PPP1R13B: variants seen among roughly 807,000 people sequenced by gnomAD.
The protein encoded by PPP1R13B is apoptosis-stimulating of p53 protein 1.
A neutral mutation model predicts 119.8 loss-of-function variants in PPP1R13B; 44 were observed. The ratio of observed to expected loss-of-function variants is 0.37; its 90% CI spans 0.29 to 0.47. PPP1R13B has a LOEUF of 0.47. PPP1R13B is among the 20% of genes least tolerant of loss of function. The pLI, the probability that PPP1R13B is intolerant of heterozygous loss-of-function variation, is 0.99. For missense variants in PPP1R13B, 1,227 were observed against 1,413.5 expected (o/e 0.87, Z 2.12); for synonymous variants, 542 against 561.5 (o/e 0.97, Z 0.49).
chr14:103,799,228 G>C (rs1403936977), intron 1 of PPP1R13B, among the ~76,000 whole-genome samples: 1 of 151,942 alleles, frequency 6.6e-6, no homozygotes, highest in Non-Finnish European at 1.5e-5. Context: ...ACGCAGGCTG[G>C]AGTGCAGTGG....
At position 103,741,953 on chromosome 14, in the gene PPP1R13B, A is replaced by G. The variant is rs200888668; in HGVS notation, c.1659T>C (p.Ile553=). 426 of 1,614,250 alleles carry G rather than the reference A, an allele frequency of 2.6e-4. 2 individuals carry two copies. In the African/African-American group the frequency reaches 5.4e-3, roughly 20 times the overall value. Residue 553 remains isoleucine, a synonymous_variant, in exon 11 of 17, where the codon ATT becomes ATC. Transcript: ENST00000202556. Reference sequence around the variant, plus strand: ...ACCCTTTATCAGCCAGGAAAGGCCTAATGGCCACTGTCAGTGGGAGTTCAG... The same window carrying G: ...ACCCTTTATCAGCCAGGAAAGGCCTGATGGCCACTGTCAGTGGGAGTTCAG... ...SKPELPLTVA[I]RPFLADKGSR...
At chr14:103,775,498 C>T (rs367826805) in intron 4 of PPP1R13B, among the ~76,000 whole-genome samples, 45 of 152,278 alleles carry the variant, frequency 3.0e-4, no homozygotes, top group African/African-American at 9.1e-4. Flanking sequence ...TGGTCTAGAA[C>T]TCCTGACCTC....
Position 103,754,141 on chromosome 14 carries a change from T to A in PPP1R13B, c.560A>T (p.Glu187Val), listed in dbSNP as rs752872502. ...QKLKERVEAQ[E>V]NKLKKIRAMR... ...TGCACGAATTTTCTTCAGCTTGTTC[T>A]CCTGGGCTTCAACTCGTTCTTTCAA... The change falls in exon 6 of 17, where the codon GAG (glutamate) becomes GTG (valine). Residue 187 changes from glutamate (E) to valine (V), a missense_variant. By Grantham distance (121) the Glu-to-Val change is moderately radical. Coordinates refer to ENST00000202556, the MANE Select transcript of PPP1R13B (RefSeq NM_015316.3). The A allele has an allele frequency of 6.2e-7, 1 of 1,614,140 alleles. No individual in the cohort carries two copies. The highest frequency in any genetic ancestry group is 1.1e-5 in the South Asian group (1 of 91,076).
intron 3 of PPP1R13B, among the ~76,000 whole-genome samples, chr14:103,783,692 C>T (rs1469072631): frequency 6.6e-6 from 1 of 152,096 alleles, no homozygotes; most frequent in East Asian, 1.9e-4. Context: ...GCTGAGACTA[C>T]AGGGCATCCA....
chr14:103,765,838 T>C (rs2084924511), intron 4 of PPP1R13B, among the ~76,000 whole-genome samples: 2 of 152,134 alleles, frequency 1.3e-5, no homozygotes, highest in African/African-American at 2.4e-5. Context: ...AAGAACTCAG[T>C]ACTTTTTAAA....
intron 1 of PPP1R13B, among the ~76,000 whole-genome samples, chr14:103,825,846 CTT>C (rs67751577): frequency 5.4e-4 from 78 of 143,634 alleles, no homozygotes; most frequent in African/African-American, 4.9e-4. Context: ...TTTTTCTTTT[CTT>C]TTTTTTTTTT....
chr14:103,834,581 CTTTTTTTTTTTTT>C lies in PPP1R13B; in HGVS notation c.9+12705_9+12717del, dbSNP rs1157222905. On this transcript the variant is annotated intron_variant, in intron 1 of 16. Coordinates refer to ENST00000202556, the MANE Select transcript of PPP1R13B (RefSeq NM_015316.3). ...GCACAGGGAAGGTAAATTTTAATGT[CTTTTTTTTTTTTT>C]TTTTTTTTTTTTTGAGACCGAGTTT... Among the ~76,000 whole-genome samples the C allele has an allele frequency of 9.1e-3, 817 of 89,432 alleles. 9 individuals carry two copies. The highest frequency in any genetic ancestry group is 0.039 in the African/African-American group (771 of 19,664). The allele number at this position is 89,432 out of a possible 152,430, so 58.7% of individuals were successfully genotyped here. A position where few individuals can be genotyped will look rare whatever the true frequency, so the allele number is the denominator to read the frequency against.
rs560232698 is a variant in PPP1R13B, at chr14:103,843,771, G to A, written c.9+3528C>T. On this transcript the variant is annotated intron_variant, in intron 1 of 16. Transcript: ENST00000202556. ...AGATCAAGACAATCCTGGCCAACGT[G>A]GTGAAACCCCATCTCTACTAAAAAT... is the stretch of plus-strand genomic sequence containing the variant. Among the ~76,000 whole-genome samples the A allele has an allele frequency of 2.6e-5, 4 of 151,842 alleles. No homozygotes were observed. The East Asian group carries it at 7.8e-4, about 30-fold the overall frequency.
chr14:103,739,841 G>C lies in PPP1R13B; in HGVS notation c.2575C>G (p.Pro859Ala), dbSNP rs575762004. 2 of 1,608,770 alleles carry C rather than the reference G, an allele frequency of 1.2e-6. No individual in the cohort carries two copies. Among genetic ancestry groups the C allele is most frequent in the East Asian group, 4.5e-5 (2 of 44,748 alleles). The part of the protein sequence containing the change: ...PPAPLPPASH[P>A]PATSTNKRTN... Reference sequence around the variant, plus strand: ...ACACCCACCGTGGAGGTGGCAGGAGGGTGGCTGGCAGGGGGAAGAGGTGCT... The same window carrying C: ...ACACCCACCGTGGAGGTGGCAGGAGCGTGGCTGGCAGGGGGAAGAGGTGCT... Residue 859 changes from proline (P) to alanine (A), a missense_variant, in exon 12 of 17, where the codon CCT (proline) becomes GCT (alanine). Physicochemically the swap from Pro to Ala is conservative, Grantham distance 27. Transcript: ENST00000202556.
chr14:103,837,211 C>T lies in PPP1R13B; in HGVS notation c.9+10088G>A, dbSNP rs571930086. 8.3e-4 allele frequency among the ~76,000 whole-genome samples: 127 copies of T among 152,202 alleles called. 1 individual carries two copies. The highest frequency in any genetic ancestry group is 1.6e-3 in the Non-Finnish European group (110 of 68,040). On this transcript the variant is annotated intron_variant, in intron 1 of 16. Transcript: ENST00000202556. ...AGGCAAACCGGAAACACAGGGAGGA[C>T]GTGTGTGGGTGCTGCAGATGCCCAG...
chr14:103,818,061 TG>T (rs1233645233), intron 1 of PPP1R13B, among the ~76,000 whole-genome samples: 2 of 152,160 alleles, frequency 1.3e-5, no homozygotes, highest in East Asian at 3.9e-4. Context: ...CACATACCTT[TG>T]AAAAACAAAA....
chr14:103,794,538 G>C (rs1204405033), intron 2 of PPP1R13B: 2 of 349,572 alleles, frequency 5.7e-6, no homozygotes, highest in African/African-American at 4.4e-5. Flanking sequence ...ATGTTGGCCA[G>C]GCTGGTCTCA....
At chr14:103,770,375 C>T (rs145275057) in intron 4 of PPP1R13B, among the ~76,000 whole-genome samples, 143 of 151,990 alleles carry the variant, frequency 9.4e-4, no homozygotes, top group South Asian at 4.2e-3. Context: ...ATTAGCCAGG[C>T]GTGGTGGCGC....
chr14:103,773,681 G>C (rs1245974677), intron 4 of PPP1R13B, among the ~76,000 whole-genome samples: 1 of 152,162 alleles, frequency 6.6e-6, no homozygotes. Context: ...TTACAGCACA[G>C]AATCTTCAAA....
intron 1 of PPP1R13B, among the ~76,000 whole-genome samples, chr14:103,808,615 C>T (rs957613034): frequency 2.6e-5 from 4 of 152,086 alleles, no homozygotes; most frequent in South Asian, 2.1e-4. Flanking sequence ...TGCAGGGTAA[C>T]GGGGGTGAGT....
At chr14:103,828,460 G>C (rs35011467) in intron 1 of PPP1R13B, among the ~76,000 whole-genome samples, 2,140 of 152,098 alleles carry the variant, frequency 0.014, 21 homozygotes, top group Middle Eastern at 0.024. Flanking sequence ...TACATTTACA[G>C]GATCACTCAT....
intron 9 of PPP1R13B, chr14:103,744,123 A>C (rs2084329037): frequency 6.6e-6 from 1 of 152,202 alleles, no homozygotes; most frequent in South Asian, 2.1e-4. Flanking sequence ...GGTCACAGGG[A>C]ATGTGGCTGT....
chr14:103,735,261 G>T, intron 16 of PPP1R13B, 66 bp from the exon 17 acceptor site: 1 of 1,537,338 alleles, frequency 6.5e-7, no homozygotes, highest in South Asian at 1.1e-5. Context: ...AGCCAGACCC[G>T]ACCCCTGCTC....
intron 2 of PPP1R13B, among the ~76,000 whole-genome samples, chr14:103,787,294 C>G (rs920262828): frequency 9.9e-5 from 15 of 151,120 alleles, no homozygotes; most frequent in Non-Finnish European, 2.2e-4. Context: ...ACTAAAAATA[C>G]AAAAATTAGC....
Sources: gnomAD v4.1 joint callset for allele counts (sites outside exome capture counted in the v4.1 genomes callset) on GRCh38, gnomAD v4.1.1 for gene constraint, MANE v1.5 for transcripts, NCBI Gene and HGNC (gene_info 2026-07-23, HGNC 2026-07-21) for gene names.